VPS13C: variants seen among roughly 807,000 people sequenced by gnomAD.
The protein encoded by VPS13C is vacuolar protein sorting 13 homolog C, also known as intermembrane lipid transfer protein VPS13C.
In VPS13C, 358 loss-of-function variants were observed where a neutral mutation model predicts 456.8. The observed-to-expected ratio is 0.78, with a 90% CI of 0.72 to 0.86. The LOEUF is 0.86. VPS13C is among the 40% of genes least tolerant of loss of function. The pLI is 0.00. For missense variants in VPS13C, 4,818 were observed against 4,385.4 expected (o/e 1.10, Z -2.79); for synonymous variants, 1,578 against 1,486.7 (o/e 1.06, Z -1.41).
rs1276313390 is a variant in VPS13C at position 61,900,323 on chromosome 15, G to A, written c.9105+6941C>T. Among the ~76,000 whole-genome samples the A allele has an allele frequency of 2.6e-5, 4 of 152,180 alleles. No homozygotes were observed. The East Asian group carries it at 7.7e-4, about 29-fold the overall frequency. On this transcript the variant is annotated intron_variant, in intron 66 of 84. Transcript: ENST00000644861. ...AATTAGGAAAAGAGGAAGTCAAATT[G>A]TCCCTGTTTGCAGACGACATGATTG... is the stretch of plus-strand genomic sequence containing the variant.
intron 30 of VPS13C, among the ~76,000 whole-genome samples, chr15:61,965,628 G>A (rs1488525360): frequency 6.6e-6 from 1 of 151,658 alleles, no homozygotes; most frequent in African/African-American, 2.4e-5. Flanking sequence ...GCTAAAACTC[G>A]CCTCTCTCCT....
chr15:61,880,578 C>G, intron 73 of VPS13C, 31 bp downstream of exon 73: 1 of 1,451,328 alleles, frequency 6.9e-7, no homozygotes, highest in Non-Finnish European at 9.4e-7. Flanking sequence ...AATAATTTCA[C>G]TAAATTTTCA....
At chr15:62,043,500 G>A (rs1288941754) in intron 2 of VPS13C, among the ~76,000 whole-genome samples, 2 of 152,186 alleles carry the variant, frequency 1.3e-5, no homozygotes, top group Non-Finnish European at 2.9e-5. Context: ...CAGCTACTAG[G>A]GAGGCTGAGG....
At position 61,963,847 on chromosome 15, in the gene VPS13C, T is replaced by C. The variant is rs757783872; in HGVS notation, c.3319A>G (p.Ile1107Val). 1.9e-6 allele frequency: 3 copies of C among 1,608,348 alleles called. No homozygotes were observed. The highest frequency in any genetic ancestry group is 3.4e-5 in the Admixed American group (2 of 59,228). The change falls in exon 32 of 85, where the codon ATC (isoleucine) becomes GTC (valine). Residue 1107 changes from isoleucine to valine, a missense_variant. Ile to Val is a conservative substitution (Grantham distance 29). Coordinates refer to ENST00000644861, the MANE Select transcript of VPS13C (RefSeq NM_020821.3). ...VCNEKNNIAE[I>V]KIQGLDSSLS... Reference sequence around the variant, plus strand: ...TGTGAACTTTTACCTTGAATCTTGATTTCGGCGATATTGTTCTTTTCGTTG... The same window carrying C: ...TGTGAACTTTTACCTTGAATCTTGACTTCGGCGATATTGTTCTTTTCGTTG...
In VPS13C at chr15:62,000,622, A is replaced by G. The variant is rs1397386375; in HGVS notation, c.1295T>C (p.Leu432Ser). ...SEEIQKEIQD[L>S]EKTLDVFNII... ...GTTAAAAACATCTAGAGTCTTCTCC[A>G]AGTCCTGTAAAAAACAGAGGCACTT... Residue 432 changes from leucine (L) to serine (S), a missense_variant, in exon 16 of 85, where the codon TTG becomes TCG. Physicochemically the swap from Leu to Ser is moderately radical, Grantham distance 145. This residue lies in a region of VPS13C where 4,552 missense variants were observed against 4,130.6 expected (regional missense o/e 1.10). Coordinates refer to ENST00000644861, the MANE Select transcript of VPS13C (RefSeq NM_020821.3). 6.3e-7 allele frequency: 1 copy of G among 1,598,980 alleles called. No homozygotes were observed. Among genetic ancestry groups the G allele is most frequent in the Non-Finnish European group, 8.5e-7 (1 of 1,175,630 alleles).
intron 37 of VPS13C, among the ~76,000 whole-genome samples, chr15:61,956,121 T>A (rs2044987329): frequency 6.6e-6 from 1 of 152,092 alleles, no homozygotes; most frequent in South Asian, 2.1e-4. Flanking sequence ...GTGGTACATA[T>A]ACACCATGAC....
intron 15 of VPS13C, among the ~76,000 whole-genome samples, chr15:62,002,068 G>A (rs1596459252): frequency 6.6e-6 from 1 of 152,254 alleles, no homozygotes; most frequent in Admixed American, 6.5e-5. Flanking sequence ...GGTATTTCTA[G>A]TTCTAGTTCC....
intron 3 of VPS13C, among the ~76,000 whole-genome samples, chr15:62,040,696 T>G (rs1440632723): frequency 1.3e-5 from 2 of 151,838 alleles, no homozygotes; most frequent in East Asian, 3.9e-4. Flanking sequence ...ATGGACCACC[T>G]AAATCCAAAA....
chr15:61,977,253 C>A, intron 23 of VPS13C, 54 bp from the exon 24 acceptor site: 2 of 1,038,482 alleles, frequency 1.9e-6, no homozygotes, highest in East Asian at 3.0e-5. Flanking sequence ...AGCCATGGAA[C>A]ATGGATAAAT....
At chr15:61,912,137 C>T in intron 62 of VPS13C, 133 bp from the exon 63 acceptor site, 1 of 836,714 alleles carries the variant, frequency 1.2e-6, no homozygotes, top group Non-Finnish European at 1.6e-6. Flanking sequence ...CTATAAGTTA[C>T]ATTCTGCAAA....
intron 48 of VPS13C, 76 bp downstream of exon 48, chr15:61,936,521 G>T: frequency 7.2e-7 from 1 of 1,394,538 alleles, no homozygotes. Flanking sequence ...GTGCTGGACA[G>T]CTAGAAAAAT....
At chr15:61,983,049 T>C (rs1261476236) in intron 20 of VPS13C, among the ~76,000 whole-genome samples, 1 of 152,208 alleles carries the variant, frequency 6.6e-6, no homozygotes, top group Non-Finnish European at 1.5e-5. Context: ...ACCATGTGAA[T>C]GTACTTAACA....
At chr15:61,979,059 T>TA (rs1476424137) in intron 22 of VPS13C, among the ~76,000 whole-genome samples, 4 of 152,170 alleles carry the variant, frequency 2.6e-5, no homozygotes, top group Non-Finnish European at 4.4e-5. Flanking sequence ...TATTGCCACT[T>TA]AGAGTCCAGC....
chr15:61,877,367 T>C (rs1194639605), intron 74 of VPS13C, among the ~76,000 whole-genome samples: 5 of 151,678 alleles, frequency 3.3e-5, no homozygotes, highest in Admixed American at 3.3e-4. Context: ...TGATAAAATG[T>C]TTAAAACATT....
intron 81 of VPS13C, chr15:61,865,614 A>G (rs1251670891): frequency 7.7e-6 from 4 of 518,880 alleles, no homozygotes; most frequent in Non-Finnish European, 9.9e-6. Context: ...ATGTGTATAT[A>G]TGTATGTGTA....
intron 1 of VPS13C, among the ~76,000 whole-genome samples, chr15:62,047,274 A>C (rs2048440912): frequency 6.6e-6 from 1 of 151,924 alleles, no homozygotes; most frequent in African/African-American, 2.4e-5. Context: ...AAAAAAAATC[A>C]AAAATTAGCC....
chr15:62,013,223 C>A, intron 10 of VPS13C, 104 bp from the exon 11 acceptor site: 3 of 671,622 alleles, frequency 4.5e-6, no homozygotes, highest in South Asian at 3.5e-5. Context: ...TACCCAAATG[C>A]CATTTTGAAT....
intron 3 of VPS13C, among the ~76,000 whole-genome samples, chr15:62,037,220 AT>A (rs1402148124): frequency 1.1e-5 from 1 of 91,158 alleles, no homozygotes; most frequent in African/African-American, 4.4e-5. Context: ...AATATATTAT[AT>A]AATATATTAT....
chr15:62,034,513 T>C (rs1477516764), intron 4 of VPS13C, among the ~76,000 whole-genome samples: 2 of 151,426 alleles, frequency 1.3e-5, no homozygotes, highest in South Asian at 2.1e-4. Context: ...AAGGAAAAAA[T>C]TACCAATTAT....
Sources: allele counts gnomAD v4.1 joint callset (sites outside exome capture counted in the v4.1 genomes callset), GRCh38; gene constraint gnomAD v4.1.1; regional missense constraint gnomAD v4.1.1; transcripts MANE v1.5; gene names NCBI Gene and HGNC (gene_info 2026-07-23, HGNC 2026-07-21).